Variants in WDR19 observed in about 807,000 individuals in gnomAD.
WDR19 encodes the protein WD repeat domain 19.
Under a neutral mutation model 180.0 loss-of-function variants are expected in WDR19, and 121 were observed. The ratio of observed to expected loss-of-function variants is 0.67; its 90% confidence interval spans 0.58 to 0.78. The LOEUF (loss-of-function observed/expected upper bound fraction) is 0.78. Among genes scored for constraint, WDR19 ranks in the 30% least tolerant of loss-of-function variants. The pLI is 0.00. For missense variants in WDR19, 1,450 were observed against 1,640.7 expected (o/e 0.88, Z 2.01); for synonymous variants, 497 against 540.7 (o/e 0.92, Z 1.12).
chr4:39,199,396 T>A, intron 5 of WDR19, 82 bp from the exon 6 acceptor site: 1 of 998,890 alleles, frequency 1.0e-6, no homozygotes, highest in South Asian at 1.5e-5. Context: ...TCTGTTTAAT[T>A]TCTTGCTATA....
intron 17 of WDR19, among the ~76,000 whole-genome samples, chr4:39,230,974 A>G (rs1215747454): frequency 1.3e-5 from 2 of 152,186 alleles, no homozygotes; most frequent in Non-Finnish European, 2.9e-5. Flanking sequence ...GCAGCTACTC[A>G]GTCTGGCTGT....
intron 4 of WDR19, among the ~76,000 whole-genome samples, chr4:39,191,496 A>G (rs1022708803): frequency 1.3e-5 from 2 of 152,222 alleles, no homozygotes; most frequent in Admixed American, 1.3e-4. Flanking sequence ...CCACTTAACT[A>G]AAAATATATT....
Position 39,214,620 on chromosome 4 carries a change from G to A in WDR19, c.910G>A (p.Val304Ile), listed in dbSNP as rs75964850. Residue 304 changes from valine to isoleucine, a missense_variant, in exon 10 of 37, where the codon GTT becomes ATT. Val to Ile is a conservative substitution (Grantham distance 29). Transcript: ENST00000399820. ...GDNCIKIQDL[V>I]DLKDMYVILN... ...TTTCAGCATTAAAATCCAAGACTTG[G>A]TTGACTTAAAAGACATGTATGTTAT... is the stretch of plus-strand genomic sequence containing the variant. The A allele has an allele frequency of 0.034, 53,654 of 1,564,718 alleles. 1,050 individuals carry two copies. The highest frequency in any genetic ancestry group is 0.06 in the Middle Eastern group (354 of 5,930).
rs1385582115 is a variant in WDR19, at chr4:39,266,052, T to C, written c.3184-11T>C. The C allele has an allele frequency of 7.1e-6, 11 of 1,552,284 alleles. No individual in the cohort carries two copies. The highest frequency in any genetic ancestry group is 1.4e-5 in the African/African-American group (1 of 73,064). The stretch of plus-strand genomic sequence containing the variant: ...GCTGAATTTGCTGGGTTTTTCTCTC[T>C]TATTAAACAGGTTGGTCAGGCCAAA... On this transcript the variant is annotated splice_polypyrimidine_tract_variant and intron_variant, in intron 28 of 36. Coordinates refer to ENST00000399820, the MANE Select transcript of WDR19 (RefSeq NM_025132.4).
rs1217640132 is a variant in WDR19 at position 39,234,810 on chromosome 4, A to G, written c.2298A>G (p.Ala766=). ...ATTGGGACAGTGCTCTACAACTGGCAAAGCATTTGGCCCCAGACCAGATAC... is the reference window on the plus strand; with the variant it reads ...ATTGGGACAGTGCTCTACAACTGGCGAAGCATTTGGCCCCAGACCAGATAC... ...LQHWDSALQL[A]KHLAPDQIPF... is the part of the protein sequence containing the mutation. Residue 766 remains alanine, a synonymous_variant, in exon 20 of 37, where the codon GCA becomes GCG. Coordinates refer to ENST00000399820, the MANE Select transcript of WDR19 (RefSeq NM_025132.4). 6.3e-7 allele frequency: 1 copy of G among 1,585,864 alleles called. No homozygotes were observed. Among genetic ancestry groups the G allele is most frequent in the Admixed American group, 1.8e-5 (1 of 55,916 alleles).
chr4:39,221,118 C>T (rs10016434), intron 14 of WDR19, among the ~76,000 whole-genome samples: 148,668 of 152,200 alleles, frequency 0.98, 72,703 homozygotes, highest in Middle Eastern at 1. Flanking sequence ...TAGTAAGTCT[C>T]TGAGATAATA....
intron 27 of WDR19, 57 bp from the exon 28 acceptor site, chr4:39,257,429 T>C: frequency 6.7e-7 from 1 of 1,488,756 alleles, no homozygotes; most frequent in Non-Finnish European, 9.2e-7. Flanking sequence ...GAAAGCTTTG[T>C]TTTCCCTAAT....
intron 29 of WDR19, 93 bp from the exon 30 acceptor site, chr4:39,267,902 G>A: frequency 7.3e-6 from 8 of 1,099,174 alleles, no homozygotes; most frequent in Non-Finnish European, 1.1e-5. Flanking sequence ...CTCAGTTACT[G>A]GCAGATGAAT....
At chr4:39,235,338 C>A (rs963666129) in intron 20 of WDR19, among the ~76,000 whole-genome samples, 17 of 152,240 alleles carry the variant, frequency 1.1e-4, no homozygotes, top group Non-Finnish European at 2.1e-4. Context: ...GTCTCACCAT[C>A]TTGACCAGGC....
At chr4:39,228,443 G>A in intron 16 of WDR19, 43 bp from the exon 17 acceptor site, 2 of 1,607,570 alleles carry the variant, frequency 1.2e-6, no homozygotes, top group Non-Finnish European at 1.7e-6. Context: ...TGTTTGTGCT[G>A]AGTATTAGCT....
At chr4:39,212,261 G>A (rs889685281) in intron 9 of WDR19, among the ~76,000 whole-genome samples, 109 of 152,006 alleles carry the variant, frequency 7.2e-4, no homozygotes, top group African/African-American at 2.5e-3. Flanking sequence ...ATGGTACTGG[G>A]GCAATTAGAC....
rs1725068829 is a variant in WDR19, at chr4:39,182,713, G to A, written c.6+150G>A. The A allele has an allele frequency of 1.9e-5, 24 of 1,264,134 alleles. No individual in the cohort carries two copies. The South Asian group carries it at 3.4e-4, about 18-fold the overall frequency. The allele number at this position is 1,264,134 out of a possible 1,614,324, so 78.3% of individuals were successfully genotyped here. A position where few individuals can be genotyped will look rare whatever the true frequency, so the allele number is the denominator to read the frequency against. On this transcript the variant is annotated intron_variant, in intron 1 of 36. Coordinates refer to ENST00000399820, the MANE Select transcript of WDR19 (RefSeq NM_025132.4). ...AGAGAGAGGTGGCCAGAGAGAGCGGGGGCGAAGCTGAAGGGACGAGAGAAA... is the reference window on the plus strand; with the variant it reads ...AGAGAGAGGTGGCCAGAGAGAGCGGAGGCGAAGCTGAAGGGACGAGAGAAA...
chr4:39,185,947 G>A, intron 2 of WDR19, 130 bp downstream of exon 2: 2 of 744,260 alleles, frequency 2.7e-6, no homozygotes, highest in Non-Finnish European at 4.1e-6. Context: ...CCAGGATGGA[G>A]TGCAGTGGCA....
intron 36 of WDR19, among the ~76,000 whole-genome samples, chr4:39,280,119 G>GTTTTTTTTTTTTTTTTTT (rs551041321): frequency 1.9e-5 from 1 of 53,974 alleles, no homozygotes; most frequent in African/African-American, 6.3e-5. Flanking sequence ...CCCTTTTCTT[G>GTTTTTTTTTTTTTTTTTT]TTTTTTTTTT....
chr4:39,240,433 C>T (rs1731814559), intron 21 of WDR19, 99 bp downstream of exon 21: 2 of 626,984 alleles, frequency 3.2e-6, no homozygotes, highest in East Asian at 4.2e-5. Context: ...TATTTAATAT[C>T]TAGCAGGTGA....
At chr4:39,232,421 C>T in intron 19 of WDR19, 149 bp downstream of exon 19, 1 of 590,962 alleles carries the variant, frequency 1.7e-6, no homozygotes, top group Non-Finnish European at 2.9e-6. Context: ...GGTCAGAAGT[C>T]CTAGACCAGC....
rs1577832070 is a variant in WDR19 at position 39,189,639 on chromosome 4, G to C, written c.165-17G>C. 15 of 1,573,290 alleles carry C rather than the reference G, an allele frequency of 9.5e-6. No homozygotes were observed. The East Asian group carries it at 3.4e-4, about 36-fold the overall frequency. Reference sequence around the variant, plus strand: ...TTAAAAAACTGTATAGTGGTATTTTGCTCTCTTTTTTAAAAGTAACTGTGT... The same window carrying C: ...TTAAAAAACTGTATAGTGGTATTTTCCTCTCTTTTTTAAAAGTAACTGTGT... On this transcript the variant is annotated splice_polypyrimidine_tract_variant and intron_variant, in intron 3 of 36. Coordinates refer to ENST00000399820, the MANE Select transcript of WDR19 (RefSeq NM_025132.4).
chr4:39,275,136 T>C lies in WDR19; in HGVS notation c.3716+178T>C, dbSNP rs185919523. The C allele has an allele frequency of 1.3e-5, 10 of 766,498 alleles. No individual in the cohort carries two copies. The East Asian group carries it at 2.8e-4, about 22-fold the overall frequency. 47.5% of individuals were successfully genotyped at this position (766,498 alleles called of 1,614,324 possible). ...GGACAAATCACTTGAGGTCAGTAGT[T>C]CAAGACCAGCCTGGCCAATATGATG... On this transcript the variant is annotated intron_variant, in intron 33 of 36. Transcript: ENST00000399820.
chr4:39,244,587 T>C (rs776101177), intron 23 of WDR19, 35 bp downstream of exon 23: 4 of 1,612,946 alleles, frequency 2.5e-6, no homozygotes, highest in South Asian at 2.2e-5. Context: ...CTGAACAGGA[T>C]TGGAAATGAA....
Sources: gnomAD v4.1 joint callset for allele counts (sites outside exome capture counted in the v4.1 genomes callset) on GRCh38, gnomAD v4.1.1 for gene constraint, MANE v1.5 for transcripts, NCBI Gene and HGNC (gene_info 2026-07-23, HGNC 2026-07-21) for gene names.